Variants in SLC26A7 observed in about 807,000 individuals in gnomAD.
SLC26A7 encodes solute carrier family 26 member 7, also known as anion exchange transporter.
In SLC26A7, 59 loss-of-function variants were observed where a neutral mutation model predicts 82.5. The ratio of observed to expected loss-of-function variants is 0.72; its 90% confidence interval spans 0.58 to 0.89. The LOEUF is 0.89. Ranked by LOEUF, SLC26A7 falls within the 40% of genes least tolerant of loss-of-function variation. The pLI is 0.00. For missense variants in SLC26A7, 820 were observed against 793.0 expected (o/e 1.03, Z -0.41); for synonymous variants, 271 against 274.3 (o/e 0.99, Z 0.12).
intron 16 of SLC26A7, among the ~76,000 whole-genome samples, chr8:91,390,197 A>G (rs1164580285): frequency 6.6e-6 from 1 of 151,554 alleles, no homozygotes; most frequent in Non-Finnish European, 1.5e-5. Flanking sequence ...TGCAAATACA[A>G]ACTCTGCCTC....
intron 2 of SLC26A7, among the ~76,000 whole-genome samples, chr8:91,254,448 T>G (rs1586325210): frequency 6.6e-6 from 1 of 152,132 alleles, no homozygotes; most frequent in African/African-American, 2.4e-5. Context: ...AAAACCTTCA[T>G]AGGGAGATGA....
chr8:91,285,566 G>A (rs1392934226), intron 2 of SLC26A7, among the ~76,000 whole-genome samples: 2 of 152,168 alleles, frequency 1.3e-5, no homozygotes, highest in Non-Finnish European at 2.9e-5. Flanking sequence ...TAAATTTTAG[G>A]GGAACACAAT....
intron 4 of SLC26A7, among the ~76,000 whole-genome samples, chr8:91,308,248 T>G (rs1039468771): frequency 2.6e-5 from 3 of 117,072 alleles, no homozygotes; most frequent in South Asian, 2.7e-4. Flanking sequence ...GAGGAAGAGG[T>G]GTGTGTGTGT....
rs139432618 is a variant in SLC26A7, at chr8:91,249,708, C to G, written c.57C>G (p.Pro19=). ...KSMLWSKMHT[P]QCEDIIQWCR... is the part of the protein sequence containing the mutation. ...TGCTTTGGAGCAAGATGCATACCCC[C>G]CAGTGTGAAGACATTATACAGTGGT... The change falls in exon 2 of 19, where the codon CCC becomes CCG. Residue 19 remains proline (P), a synonymous_variant. Coordinates refer to ENST00000276609, the MANE Select transcript of SLC26A7 (RefSeq NM_052832.4). The G allele has an allele frequency of 2.0e-5, 32 of 1,596,902 alleles. No homozygotes were observed. Among genetic ancestry groups the G allele is most frequent in the Non-Finnish European group, 2.7e-5 (32 of 1,172,242 alleles).
At chr8:91,263,662 A>C (rs996134760) in intron 2 of SLC26A7, among the ~76,000 whole-genome samples, 6 of 151,706 alleles carry the variant, frequency 4.0e-5, no homozygotes, top group African/African-American at 1.2e-4. Context: ...CCTTCCTATC[A>C]CCTTTGCAAG....
intron 2 of SLC26A7, among the ~76,000 whole-genome samples, chr8:91,231,709 A>G (rs1203254790): frequency 3.3e-5 from 5 of 152,112 alleles, no homozygotes; most frequent in Admixed American, 2.6e-4. Flanking sequence ...AAATGGAGCC[A>G]GTAGGTTTGG....
At chr8:91,358,946 G>A (rs963287423) in intron 11 of SLC26A7, among the ~76,000 whole-genome samples, 2 of 152,126 alleles carry the variant, frequency 1.3e-5, no homozygotes, top group African/African-American at 4.8e-5. Context: ...GGGGGGACGG[G>A]GGAGGGATAG....
At chr8:91,272,686 A>G (rs1811304256) in intron 2 of SLC26A7, among the ~76,000 whole-genome samples, 1 of 152,200 alleles carries the variant, frequency 6.6e-6, no homozygotes, top group Non-Finnish European at 1.5e-5. Flanking sequence ...GAGAATTGAA[A>G]CTGGAGAATT....
chr8:91,286,381 C>T (rs1278385329), intron 2 of SLC26A7, among the ~76,000 whole-genome samples: 1 of 152,174 alleles, frequency 6.6e-6, no homozygotes, highest in East Asian at 1.9e-4. Flanking sequence ...TTTCATCTTT[C>T]AAAGTCTTCT....
chr8:91,212,512 A>G (rs1809949280), intron 1 of SLC26A7, among the ~76,000 whole-genome samples: 1 of 152,200 alleles, frequency 6.6e-6, no homozygotes, highest in Non-Finnish European at 1.5e-5. Flanking sequence ...TTATGAAAAT[A>G]AATGAAAATT....
intron 9 of SLC26A7, among the ~76,000 whole-genome samples, chr8:91,348,705 T>C (rs759370871): frequency 4.1e-5 from 5 of 122,974 alleles, no homozygotes; most frequent in Non-Finnish European, 9.0e-5. Context: ...AAGGAGCTAG[T>C]TTTGTTTTTT....
chr8:91,243,465 C>T (rs531510640), intron 2 of SLC26A7, among the ~76,000 whole-genome samples: 1 of 152,182 alleles, frequency 6.6e-6, no homozygotes, highest in East Asian at 1.9e-4. Context: ...TGGAGGATAA[C>T]TCAGGAGGAG....
intron 2 of SLC26A7, among the ~76,000 whole-genome samples, chr8:91,261,578 T>C (rs1425991749): frequency 6.6e-6 from 1 of 152,060 alleles, no homozygotes; most frequent in Non-Finnish European, 1.5e-5. Flanking sequence ...GTGGTAAAAA[T>C]TGGATCAACA....
At chr8:91,383,268 A>T (rs1586476229) in intron 15 of SLC26A7, among the ~76,000 whole-genome samples, 1 of 152,184 alleles carries the variant, frequency 6.6e-6, no homozygotes, top group Non-Finnish European at 1.5e-5. Flanking sequence ...ACAAATGATG[A>T]TTCTGAAACT....
intron 2 of SLC26A7, among the ~76,000 whole-genome samples, chr8:91,234,097 G>C (rs757526630): frequency 3.9e-5 from 6 of 152,134 alleles, no homozygotes; most frequent in Non-Finnish European, 7.4e-5. Flanking sequence ...AATCAACTTA[G>C]TTTAATTTCT....
chr8:91,392,825 C>T (rs1325716600), intron 16 of SLC26A7, among the ~76,000 whole-genome samples: 1 of 152,158 alleles, frequency 6.6e-6, no homozygotes, highest in East Asian at 1.9e-4. Context: ...TTATGTTTCA[C>T]TGAGTTTAAG....
intron 5 of SLC26A7, 109 bp downstream of exon 5, chr8:91,318,489 T>A: frequency 1.0e-6 from 1 of 957,474 alleles, no homozygotes; most frequent in Non-Finnish European, 1.5e-6. Context: ...GCAACTTGGG[T>A]TTAAATAAAA....
chr8:91,219,450 A>G (rs1404073292), intron 2 of SLC26A7, among the ~76,000 whole-genome samples: 1 of 152,196 alleles, frequency 6.6e-6, no homozygotes, highest in Non-Finnish European at 1.5e-5. Flanking sequence ...CTTCACAGAA[A>G]AAATGAGTAG....
At position 91,258,637 on chromosome 8, in the gene SLC26A7, T is replaced by C. The variant is rs143768548; in HGVS notation, c.193+8793T>C. Among the ~76,000 whole-genome samples, 401 of 152,224 alleles carry C rather than the reference T, an allele frequency of 2.6e-3. 3 individuals carry two copies. Among genetic ancestry groups the C allele is most frequent in the African/African-American group, 6.1e-3 (254 of 41,538 alleles). On this transcript the variant is annotated intron_variant, in intron 2 of 18. Coordinates refer to ENST00000276609, the MANE Select transcript of SLC26A7 (RefSeq NM_052832.4). The stretch of plus-strand genomic sequence containing the variant: ...TGTGCTAAGGATTCATTGTCTATTA[T>C]ATCAATTAATCTTCATAATGACCCT...
Sources: gnomAD v4.1 joint callset for allele counts (sites outside exome capture counted in the v4.1 genomes callset) on GRCh38, gnomAD v4.1.1 for gene constraint, MANE v1.5 for transcripts, NCBI Gene and HGNC (gene_info 2026-07-23, HGNC 2026-07-21) for gene names.